Variants in FNDC3A observed in about 807,000 individuals in gnomAD.
The protein encoded by FNDC3A is fibronectin type-III domain-containing protein 3A.
Under a neutral mutation model 148.9 loss-of-function variants are expected in FNDC3A, and 32 were observed. The ratio of observed to expected loss-of-function variants is 0.21; its 90% CI spans 0.16 to 0.29. FNDC3A has a LOEUF of 0.29. Ranked by LOEUF, FNDC3A falls within the 10% of genes least tolerant of loss-of-function variation. FNDC3A has a pLI of 1.00. For synonymous variants in FNDC3A, 472 were observed against 473.6 expected, an observed-to-expected ratio of 1.00 and a Z score of 0.04; for missense variants, 1,191 against 1,452.8, an observed-to-expected ratio of 0.82 and a Z score of 2.93.
In FNDC3A at chr13:49,208,179, G is replaced by A. The variant is rs1886740408; in HGVS notation, c.*784G>A. On this transcript the variant is annotated 3_prime_UTR_variant, in exon 26 of 26. Coordinates refer to ENST00000492622, the MANE Select transcript of FNDC3A (RefSeq NM_001079673.2). ...GTAAATTGAATTTCAAACCTATTTG[G>A]CTTCTGTTTTGTGAACCTTTGAACT... 1 of 152,092 alleles carries A rather than the reference G, an allele frequency of 6.6e-6. No homozygotes were observed. Among genetic ancestry groups the A allele is most frequent in the African/African-American group, 2.4e-5 (1 of 41,402 alleles). The allele number at this position is 152,092 out of a possible 1,614,324, so 9.4% of individuals were successfully genotyped here.
At chr13:49,066,646 A>G (rs1202958789) in intron 2 of FNDC3A, among the ~76,000 whole-genome samples, 1 of 152,214 alleles carries the variant, frequency 6.6e-6, no homozygotes, top group Non-Finnish European at 1.5e-5. Context: ...TTGAAAGTCA[A>G]GATCAGAGAT....
chr13:49,178,521 T>C, intron 13 of FNDC3A, 47 bp from the exon 14 acceptor site: 1 of 1,166,504 alleles, frequency 8.6e-7, no homozygotes, highest in Non-Finnish European at 1.3e-6. Context: ...TTGCCCATAT[T>C]TCTATTGTTA....
Position 49,209,474 on chromosome 13 carries a change from A to G in FNDC3A, c.*2079A>G, listed in dbSNP as rs1886799390. 1 of 152,650 alleles carries G rather than the reference A, an allele frequency of 6.6e-6. No individual in the cohort carries two copies. The highest frequency in any genetic ancestry group is 2.1e-4 in the South Asian group (1 of 4,834). 9.5% of individuals were successfully genotyped at this position (152,650 alleles called of 1,614,324 possible). Reference sequence around the variant, plus strand: ...TACACTACCAAACATATCACCTTAAAATTGTATAAGGCTGAATGAACTTCA... The same window carrying G: ...TACACTACCAAACATATCACCTTAAGATTGTATAAGGCTGAATGAACTTCA... On this transcript the variant is annotated 3_prime_UTR_variant, in exon 26 of 26. Coordinates refer to ENST00000492622, the MANE Select transcript of FNDC3A (RefSeq NM_001079673.2).
At chr13:49,168,372 G>A (rs1884585707) in intron 9 of FNDC3A, among the ~76,000 whole-genome samples, 1 of 151,584 alleles carries the variant, frequency 6.6e-6, no homozygotes, top group African/African-American at 2.4e-5. Context: ...ATTGTTTCAG[G>A]AATATATATG....
chr13:49,182,800 T>C (rs1055915152), intron 14 of FNDC3A, among the ~76,000 whole-genome samples: 1 of 152,172 alleles, frequency 6.6e-6, no homozygotes, highest in Non-Finnish European at 1.5e-5. Context: ...CCTCTCATCT[T>C]ATCTGGTGTC....
chr13:49,134,240 C>T (rs945941436), intron 5 of FNDC3A, among the ~76,000 whole-genome samples: 5 of 152,148 alleles, frequency 3.3e-5, no homozygotes, highest in African/African-American at 1.2e-4. Context: ...CTATTCTAGA[C>T]TTCATATAAA....
At chr13:49,207,027 C>T in intron 25 of FNDC3A, 54 bp from the exon 26 acceptor site, 1 of 1,327,802 alleles carries the variant, frequency 7.5e-7, no homozygotes, top group Non-Finnish European at 1.1e-6. Flanking sequence ...AGTTTTAACA[C>T]ATTTTCTGTC....
chr13:49,161,934 C>T (rs1376453730), intron 8 of FNDC3A, among the ~76,000 whole-genome samples: 1 of 152,106 alleles, frequency 6.6e-6, no homozygotes, highest in Non-Finnish European at 1.5e-5. Context: ...GAATATTGGC[C>T]CCCACTCTCT....
At chr13:49,003,913 A>T (rs1023783448) in intron 1 of FNDC3A, among the ~76,000 whole-genome samples, 3 of 152,230 alleles carry the variant, frequency 2.0e-5, no homozygotes, top group Non-Finnish European at 2.9e-5. Context: ...ATAAATGTTG[A>T]TATATCAACA....
chr13:49,200,033 C>T (rs185664541), intron 23 of FNDC3A, among the ~76,000 whole-genome samples: 47 of 152,224 alleles, frequency 3.1e-4, no homozygotes, highest in African/African-American at 1.0e-3. Flanking sequence ...ACATTATATT[C>T]CATATAAGCA....
chr13:49,061,366 T>C (rs1201177479), intron 2 of FNDC3A, among the ~76,000 whole-genome samples: 2 of 14,044 alleles, frequency 1.4e-4, no homozygotes, highest in African/African-American at 1.1e-3. Context: ...TACCTTCCCT[T>C]CCCTTCCCTT....
intron 1 of FNDC3A, among the ~76,000 whole-genome samples, chr13:48,984,484 A>C (rs940074695): frequency 6.6e-6 from 1 of 152,214 alleles, no homozygotes; most frequent in Non-Finnish European, 1.5e-5. Context: ...GATCAAAGGA[A>C]TAGAATAATA....
At chr13:49,021,266 T>G (rs1198367746) in intron 2 of FNDC3A, among the ~76,000 whole-genome samples, 3 of 152,220 alleles carry the variant, frequency 2.0e-5, no homozygotes, top group African/African-American at 7.2e-5. Flanking sequence ...TTTGGTTAGC[T>G]TCTTGTTTTC....
chr13:49,088,353 C>G (rs1878950511), intron 3 of FNDC3A, among the ~76,000 whole-genome samples: 2 of 151,982 alleles, frequency 1.3e-5, no homozygotes, highest in African/African-American at 4.8e-5. Context: ...AAACTGACAC[C>G]AAAGAGATCA....
At chr13:49,110,699 T>A (rs528120610) in intron 3 of FNDC3A, among the ~76,000 whole-genome samples, 1 of 152,254 alleles carries the variant, frequency 6.6e-6, no homozygotes, top group African/African-American at 2.4e-5. Flanking sequence ...AACGCTGGCT[T>A]ATAGAGAATG....
At chr13:49,087,779 T>C (rs1878909416) in intron 3 of FNDC3A, among the ~76,000 whole-genome samples, 1 of 152,140 alleles carries the variant, frequency 6.6e-6, no homozygotes, top group Non-Finnish European at 1.5e-5. Flanking sequence ...AAAATAAATA[T>C]GTGTAAGTAA....
At chr13:49,183,407 A>T (rs902472401) in intron 14 of FNDC3A, among the ~76,000 whole-genome samples, 2 of 152,204 alleles carry the variant, frequency 1.3e-5, no homozygotes, top group African/African-American at 4.8e-5. Context: ...ATCTGCTCAC[A>T]CAGGGTTCCT....
chr13:49,191,326 G>A lies in FNDC3A; in HGVS notation c.2168G>A (p.Ser723Asn), dbSNP rs768282118. 12 of 1,612,640 alleles carry A rather than the reference G, an allele frequency of 7.4e-6. No individual in the cohort carries two copies. In the East Asian group the frequency reaches 2.0e-4, roughly 27 times the overall value. The change falls in exon 19 of 26, where the codon AGC becomes AAC. Residue 723 changes from serine (S) to asparagine (N), a missense_variant. Physicochemically the swap from Ser to Asn is conservative, Grantham distance 46. Transcript: ENST00000492622. ...GGTTCTGAAGTAGAATGTACAGTGAGCAGCCTTCTTCCTGGAAAGACATAC... is the reference window on the plus strand; with the variant it reads ...GGTTCTGAAGTAGAATGTACAGTGAACAGCCTTCTTCCTGGAAAGACATAC... ...YQGSEVECTV[S>N]SLLPGKTYSF...
intron 20 of FNDC3A, 41 bp downstream of exon 20, chr13:49,197,031 G>T: frequency 8.7e-7 from 1 of 1,149,124 alleles, no homozygotes. Flanking sequence ...TTTCTTAAGT[G>T]AATAGAATAG....
Sources: allele counts gnomAD v4.1 joint callset (sites outside exome capture counted in the v4.1 genomes callset), GRCh38; gene constraint gnomAD v4.1.1; transcripts MANE v1.5; gene names NCBI Gene and HGNC (gene_info 2026-07-23, HGNC 2026-07-21).